Variants in ZBTB38 observed in about 807,000 individuals in gnomAD.
ZBTB38 encodes the protein zinc finger and BTB domain-containing protein 38.
Under a neutral mutation model 76.8 loss-of-function variants are expected in ZBTB38, and 20 were observed. The ratio of observed to expected loss-of-function variants is 0.26; its 90% confidence interval spans 0.18 to 0.38. The LOEUF (loss-of-function observed/expected upper bound fraction) is 0.38. Among genes scored for constraint, ZBTB38 ranks in the 10% least tolerant of loss-of-function variants. The probability of loss-of-function intolerance (pLI) is 1.00; values close to 1 mark genes in which losing one functional copy is unlikely to be tolerated. For missense variants in ZBTB38, 1,082 were observed against 1,482.3 expected, an observed-to-expected ratio of 0.73 and a Z score of 4.43; for synonymous variants, 504 against 544.2, an observed-to-expected ratio of 0.93 and a Z score of 1.03.
rs1210552334 is a variant in ZBTB38, at chr3:141,443,854, C to T, written c.1466C>T (p.Pro489Leu). The T allele has an allele frequency of 1.9e-6, 3 of 1,613,990 alleles. No individual in the cohort carries two copies. The highest frequency in any genetic ancestry group is 2.7e-5 in the African/African-American group (2 of 74,940). ...GTTCACTCCTGGAGAAGAACATATC[C>T]TTGCCATTACTGCAACAAAGTATTT... ...ANVHSWRRTY[P>L]CHYCNKVFAL... Residue 489 changes from proline (P) to leucine (L), a missense_variant, in exon 6 of 6, where the codon CCT (proline) becomes CTT (leucine). Pro to Leu is a moderately conservative substitution (Grantham distance 98, BLOSUM62 -3). Around this residue, in one of 8 missense-constraint regions of ZBTB38, gnomAD observed 60 missense variants for 126.0 expected, o/e 0.48. Coordinates refer to ENST00000321464, the MANE Select transcript of ZBTB38 (RefSeq NM_001376113.1). The surrounding 1 kb of genome is among the most constrained non-coding windows in gnomAD (Gnocchi z 5.6).
At chr3:141,333,092 C>A (rs951355179) in intron 1 of ZBTB38, among the ~76,000 whole-genome samples, 1 of 152,190 alleles carries the variant, frequency 6.6e-6, no homozygotes, top group Non-Finnish European at 1.5e-5. Flanking sequence ...GTGAGTTCTA[C>A]AAGGGGTTGG....
At chr3:141,346,920 C>T (rs1311497179) in intron 1 of ZBTB38, among the ~76,000 whole-genome samples, 8 of 152,036 alleles carry the variant, frequency 5.3e-5, no homozygotes, top group African/African-American at 1.7e-4. Context: ...ATGTTTTATT[C>T]TGCCATCTGC....
chr3:141,347,742 C>T (rs1322033180), intron 1 of ZBTB38, among the ~76,000 whole-genome samples: 3 of 152,238 alleles, frequency 2.0e-5, no homozygotes, highest in Non-Finnish European at 4.4e-5. Context: ...GGCTCCAGTT[C>T]CTGCCAGAAA....
At chr3:141,401,337 A>G (rs547880358) in intron 4 of ZBTB38, among the ~76,000 whole-genome samples, 38 of 152,122 alleles carry the variant, frequency 2.5e-4, no homozygotes, top group Admixed American at 2.0e-4. Context: ...GCTAATATAC[A>G]TGTGTATGCA....
chr3:141,435,303 C>T (rs1329485488), intron 5 of ZBTB38, among the ~76,000 whole-genome samples: 2 of 152,204 alleles, frequency 1.3e-5, no homozygotes, highest in Non-Finnish European at 2.9e-5. Context: ...TCCTTTCTCT[C>T]TCAAGTGTCC....
chr3:141,373,645 A>T (rs190270773), intron 2 of ZBTB38, among the ~76,000 whole-genome samples: 22 of 152,342 alleles, frequency 1.4e-4, no homozygotes, highest in Non-Finnish European at 2.2e-4. Flanking sequence ...TCAAGAACCA[A>T]GTTGGAAAAT....
At chr3:141,354,858 G>A (rs1943616753) in intron 1 of ZBTB38, among the ~76,000 whole-genome samples, 1 of 152,048 alleles carries the variant, frequency 6.6e-6, no homozygotes, top group South Asian at 2.1e-4. Context: ...AGAATGATGG[G>A]CACTGGGAGA....
chr3:141,361,037 G>A (rs373031607), intron 1 of ZBTB38, among the ~76,000 whole-genome samples: 1 of 152,188 alleles, frequency 6.6e-6, no homozygotes, highest in African/African-American at 2.4e-5. Context: ...CCACTAGAGG[G>A]GACACTCTGC....
At chr3:141,369,630 A>T (rs899995689) in intron 1 of ZBTB38, among the ~76,000 whole-genome samples, 2 of 152,186 alleles carry the variant, frequency 1.3e-5, no homozygotes, top group Non-Finnish European at 2.9e-5. Flanking sequence ...GTCAGCATCT[A>T]GTCTTCGTAT....
In ZBTB38 at chr3:141,442,989, C is replaced by T. The variant is rs775936328; in HGVS notation, c.601C>T (p.Leu201Phe). The T allele has an allele frequency of 2.5e-6, 4 of 1,614,262 alleles. No individual in the cohort carries two copies. Among genetic ancestry groups the T allele is most frequent in the Non-Finnish European group, 3.4e-6 (4 of 1,180,040 alleles). The stretch of plus-strand genomic sequence containing the variant: ...CTCCGACTCCATGAGAACAGCTAGC[C>T]TTTGCCTGGAGAGGACGGACGTCTG... ...KVSDSMRTASLCLERTDVCHE... is the reference protein window; with the variant it reads ...KVSDSMRTASFCLERTDVCHE... Residue 201 changes from leucine to phenylalanine, a missense_variant, in exon 6 of 6, where the codon CTT (leucine) becomes TTT (phenylalanine). This residue lies in a region of ZBTB38 where 324 missense variants were observed against 359.1 expected (regional missense o/e 0.90). Transcript: ENST00000321464. This position sits in a 1 kb window ranked among gnomAD's most constrained non-coding sequence, Gnocchi z 6.4.
At position 141,443,447 on chromosome 3, in the gene ZBTB38, C is replaced by T; in HGVS notation, c.1059C>T (p.Ser353=). 1.9e-6 allele frequency: 3 copies of T among 1,614,198 alleles called. No individual in the cohort carries two copies. Among genetic ancestry groups the T allele is most frequent in the Non-Finnish European group, 2.5e-6 (3 of 1,180,032 alleles). The change falls in exon 6 of 6, where the codon AGC becomes AGT. Residue 353 remains serine, a synonymous_variant. Coordinates refer to ENST00000321464, the MANE Select transcript of ZBTB38 (RefSeq NM_001376113.1). The surrounding 1 kb of genome is among the most constrained non-coding windows in gnomAD (Gnocchi z 5.6). ...NCSCCSKAFD[S]STLLSAHMQL... is the part of the protein sequence containing the mutation. ...GCTGCTGTTCCAAAGCCTTTGACAG[C>T]AGCACTCTGCTCAGTGCCCACATGC... is the stretch of plus-strand genomic sequence containing the variant.
At position 141,444,692 on chromosome 3, in the gene ZBTB38, A is replaced by G. The variant is rs1470170264; in HGVS notation, c.2304A>G (p.Ala768=). ...KPEPDKVGRF[A]SRPKSIKEKK... ...AGCCAGATAAAGTGGGTAGGTTTGCAAGCAGACCCAAAAGCATTAAGGAGA... is the reference window on the plus strand; with the variant it reads ...AGCCAGATAAAGTGGGTAGGTTTGCGAGCAGACCCAAAAGCATTAAGGAGA... The change falls in exon 6 of 6, where the codon GCA becomes GCG. Residue 768 remains alanine (A), a synonymous_variant. Transcript: ENST00000321464. This position sits in a 1 kb window ranked among gnomAD's most constrained non-coding sequence, Gnocchi z 5.1. 1 of 1,614,144 alleles carries G rather than the reference A, an allele frequency of 6.2e-7. No individual in the cohort carries two copies. Among genetic ancestry groups the G allele is most frequent in the Admixed American group, 1.7e-5 (1 of 60,006 alleles).
intron 1 of ZBTB38, among the ~76,000 whole-genome samples, chr3:141,361,572 A>T (rs770100720): frequency 2.6e-5 from 4 of 152,224 alleles, no homozygotes; most frequent in Non-Finnish European, 5.9e-5. Flanking sequence ...ACCAGAAGAG[A>T]TGGAGAAAGT....
chr3:141,361,554 T>C (rs1026331752), intron 1 of ZBTB38, among the ~76,000 whole-genome samples: 3 of 152,224 alleles, frequency 2.0e-5, no homozygotes, highest in Admixed American at 6.5e-5. Context: ...CATAGAATAG[T>C]TGTGAAAACC....
chr3:141,438,856 T>C (rs1577482431), intron 5 of ZBTB38, among the ~76,000 whole-genome samples: 1 of 152,162 alleles, frequency 6.6e-6, no homozygotes, highest in Admixed American at 6.5e-5. Flanking sequence ...AGGCCTGCCA[T>C]GTGCCTGGCC....
intron 5 of ZBTB38, among the ~76,000 whole-genome samples, chr3:141,433,551 ATATT>A (rs1182592245): frequency 6.6e-6 from 1 of 152,206 alleles, no homozygotes; most frequent in African/African-American, 2.4e-5. Context: ...CACCTACCTA[ATATT>A]TATTAACTGA....
Position 141,448,371 on chromosome 3 carries a change from TACTTG to T in ZBTB38, c.*2400_*2404del, listed in dbSNP as rs1040831825. ...AGGGGTGTATATTTTGATAAAAAAA[TACTTG>T]ACTTTGTAATTCTGTATATTCTATA... On this transcript the variant is annotated 3_prime_UTR_variant, in exon 6 of 6. Transcript: ENST00000321464. 6.6e-5 allele frequency: 10 copies of T among 152,638 alleles called. No individual in the cohort carries two copies. The highest frequency in any genetic ancestry group is 3.2e-3 in the Middle Eastern group (1 of 316). The allele number at this position is 152,638 out of a possible 1,614,324, so 9.5% of individuals were successfully genotyped here.
At chr3:141,337,032 A>G (rs771196317) in intron 1 of ZBTB38, among the ~76,000 whole-genome samples, 12 of 152,218 alleles carry the variant, frequency 7.9e-5, no homozygotes, top group East Asian at 1.9e-4. Flanking sequence ...AACAAATCCT[A>G]TAGATAAAGC....
chr3:141,371,041 C>CTTTTTTTTTTTTTTTTTTTTTTTT (rs1944488920), intron 2 of ZBTB38, among the ~76,000 whole-genome samples: 1 of 75,458 alleles, frequency 1.3e-5, no homozygotes, highest in African/African-American at 6.6e-5. Flanking sequence ...TCTTTTCTTT[C>CTTTTTTTTTTTTTTTTTTTTTTTT]TTTCTTTTTT....
Sources: allele counts gnomAD v4.1 joint callset (sites outside exome capture counted in the v4.1 genomes callset), GRCh38; gene constraint gnomAD v4.1.1; regional missense constraint gnomAD v4.1.1; non-coding constraint Gnocchi (gnomAD v3.1); transcripts MANE v1.5; gene names NCBI Gene and HGNC (gene_info 2026-07-23, HGNC 2026-07-21).